ANXA13: variants seen among roughly 807,000 people sequenced by gnomAD.
ANXA13 encodes annexin A13, also known as annexin XIII.
In ANXA13, 36 loss-of-function variants were observed where a neutral mutation model predicts 46.6. The observed-to-expected ratio is 0.77, with a 90% CI of 0.59 to 1.02. The LOEUF (loss-of-function observed/expected upper bound fraction) is 1.02, where lower values mean the gene tolerates loss of function less well. ANXA13 is among the 50% of genes least tolerant of loss of function. The pLI is 0.00. For synonymous variants in ANXA13, 163 were observed against 152.9 expected (o/e 1.07, Z -0.49); for missense variants, 417 against 396.5 (o/e 1.05, Z -0.44).
At chr8:123,716,568 A>C (rs1813762714) in intron 1 of ANXA13, among the ~76,000 whole-genome samples, 1 of 152,106 alleles carries the variant, frequency 6.6e-6, no homozygotes, top group Non-Finnish European at 1.5e-5. Flanking sequence ...TGAAAGAATC[A>C]TGTGATGTGA....
chr8:123,724,228 A>G (rs1459429303), intron 1 of ANXA13, among the ~76,000 whole-genome samples: 5 of 152,234 alleles, frequency 3.3e-5, no homozygotes, highest in African/African-American at 1.2e-4. Flanking sequence ...TTCGGGTGTG[A>G]AACAGTTTGA....
rs914060889 is a variant in ANXA13 at position 123,690,755 on chromosome 8, G to C, written c.643-1809C>G. On this transcript the variant is annotated intron_variant, in intron 8 of 10. Transcript: ENST00000419625. The surrounding 1 kb of genome is among the most constrained non-coding windows in gnomAD (Gnocchi z 4.6). ...CTGCAGGGAGGTTATTAGAGGAGCA[G>C]GGGAGACATTTCTTTCTTTGAAAAT... 6.6e-6 allele frequency among the ~76,000 whole-genome samples: 1 copy of C among 152,230 alleles called. No individual in the cohort carries two copies. The highest frequency in any genetic ancestry group is 1.5e-5 in the Non-Finnish European group (1 of 68,038).
At chr8:123,684,398 A>C (rs1813098266) in intron 10 of ANXA13, among the ~76,000 whole-genome samples, 1 of 152,228 alleles carries the variant, frequency 6.6e-6, no homozygotes. Flanking sequence ...ACAGAGGACA[A>C]AAAAAGAAGC....
intron 2 of ANXA13, among the ~76,000 whole-genome samples, chr8:123,705,846 C>A (rs1268401939): frequency 2.0e-5 from 3 of 152,094 alleles, no homozygotes; most frequent in Admixed American, 1.3e-4. Context: ...AAAAAGGGAG[C>A]CCTGGCAAAA....
At chr8:123,735,213 C>A (rs965223363) in intron 1 of ANXA13, among the ~76,000 whole-genome samples, 6 of 151,516 alleles carry the variant, frequency 4.0e-5, no homozygotes, top group Non-Finnish European at 7.4e-5. Flanking sequence ...GTCTATTACA[C>A]TATGTTGATG....
intron 3 of ANXA13, among the ~76,000 whole-genome samples, chr8:123,702,255 A>G (rs12676942): frequency 0.89 from 134,923 of 152,074 alleles, 60,369 homozygotes; most frequent in African/African-American, 0.96. Context: ...TAAAATGGAG[A>G]GTTTTTTTGG....
chr8:123,725,008 C>T (rs1375266681), intron 1 of ANXA13, among the ~76,000 whole-genome samples: 1 of 152,182 alleles, frequency 6.6e-6, no homozygotes, highest in Non-Finnish European at 1.5e-5. Context: ...CCACTGTATC[C>T]CATGTGGACC....
chr8:123,737,062 T>C (rs575612842), intron 1 of ANXA13, among the ~76,000 whole-genome samples: 20 of 151,700 alleles, frequency 1.3e-4, no homozygotes, highest in Admixed American at 9.9e-4. Flanking sequence ...TGTTTCACCA[T>C]GTTGGCCAGG....
Position 123,695,568 on chromosome 8 carries a change from G to T in ANXA13, c.405C>A (p.Ser135Arg), listed in dbSNP as rs556868657. The change falls in exon 6 of 11, where the codon AGC (serine) becomes AGA (arginine). Residue 135 changes from serine to arginine, a missense_variant. Coordinates refer to ENST00000419625, the MANE Select transcript of ANXA13 (RefSeq NM_004306.4). ...TATCACCTTTGACATCTGATTCGAGGCTCCTATCAAATACTTCGAAGGAAG... is the reference window on the plus strand; with the variant it reads ...TATCACCTTTGACATCTGATTCGAGTCTCCTATCAAATACTTCGAAGGAAG... ...KEAYQRLFDR[S>R]LESDVKGDTS... The T allele has an allele frequency of 6.2e-7, 1 of 1,613,908 alleles. No individual in the cohort carries two copies. Among genetic ancestry groups the T allele is most frequent in the East Asian group, 2.2e-5 (1 of 44,856 alleles).
chr8:123,698,787 C>G (rs989739205), intron 3 of ANXA13, among the ~76,000 whole-genome samples: 11 of 152,194 alleles, frequency 7.2e-5, no homozygotes, highest in African/African-American at 2.7e-4. Context: ...GGCTGGAGAC[C>G]TCACCGATGA....
chr8:123,736,751 G>T (rs913545663), intron 1 of ANXA13, among the ~76,000 whole-genome samples: 1 of 151,138 alleles, frequency 6.6e-6, no homozygotes, highest in Non-Finnish European at 1.5e-5. Flanking sequence ...TTTGCTCTCT[G>T]CAAGGCACTA....
At chr8:123,703,091 C>T (rs551305590) in intron 2 of ANXA13, among the ~76,000 whole-genome samples, 8 of 152,106 alleles carry the variant, frequency 5.3e-5, no homozygotes, top group Non-Finnish European at 7.4e-5. Context: ...ATAGCTCAAA[C>T]GTGGAAGCAG....
chr8:123,700,460 C>G (rs1330025561), intron 3 of ANXA13, among the ~76,000 whole-genome samples: 1 of 152,194 alleles, frequency 6.6e-6, no homozygotes, highest in Admixed American at 6.5e-5. Flanking sequence ...TGGATCATAC[C>G]TAACATCTTC....
At chr8:123,714,150 T>C (rs1813716285) in intron 1 of ANXA13, among the ~76,000 whole-genome samples, 5 of 152,202 alleles carry the variant, frequency 3.3e-5, no homozygotes, top group Admixed American at 3.3e-4. Context: ...TTTCTCTGCA[T>C]GGCATCCTTA....
intron 8 of ANXA13, among the ~76,000 whole-genome samples, chr8:123,691,869 G>C (rs1586314814): frequency 2.0e-5 from 3 of 152,108 alleles, no homozygotes; most frequent in African/African-American, 7.2e-5. Context: ...TGTACTTTCA[G>C]GTAGTCAGTT....
At chr8:123,710,655 G>T (rs942702336) in intron 2 of ANXA13, among the ~76,000 whole-genome samples, 7 of 151,772 alleles carry the variant, frequency 4.6e-5, no homozygotes, top group Admixed American at 3.9e-4. Flanking sequence ...TAGCTAGGAT[G>T]TCTCTAAATT....
Position 123,698,517 on chromosome 8 carries a change from C to G in ANXA13, c.229G>C (p.Glu77Gln), listed in dbSNP as rs538391440. ...TCCAGAAGGGCCAACGCTGTCTTCT[C>G]GAAGTTTCCACTCAGCTCACTCTTG... ...VLKSELSGNF[E>Q]KTALALLDRP... The change falls in exon 4 of 11, where the codon GAG (glutamate) becomes CAG (glutamine). Residue 77 changes from glutamate (E) to glutamine (Q), a missense_variant. Transcript: ENST00000419625. 1 of 1,614,210 alleles carries G rather than the reference C, an allele frequency of 6.2e-7. No homozygotes were observed. The highest frequency in any genetic ancestry group is 1.7e-5 in the Admixed American group (1 of 60,032).
intron 10 of ANXA13, among the ~76,000 whole-genome samples, chr8:123,684,115 C>A (rs568102367): frequency 1.1e-3 from 164 of 152,250 alleles, no homozygotes; most frequent in African/African-American, 3.9e-3. Flanking sequence ...TGAAGAAACA[C>A]GTGTCTAAAA....
chr8:123,712,847 C>T, intron 1 of ANXA13, 94 bp from the exon 2 acceptor site: 1 of 1,055,934 alleles, frequency 9.5e-7, no homozygotes, highest in Admixed American at 1.9e-5. Flanking sequence ...ACCAAATAGT[C>T]ATCCTAACCA....
Sources: allele counts gnomAD v4.1 joint callset (sites outside exome capture counted in the v4.1 genomes callset), GRCh38; gene constraint gnomAD v4.1.1; non-coding constraint Gnocchi (gnomAD v3.1); transcripts MANE v1.5; gene names NCBI Gene and HGNC (gene_info 2026-07-23, HGNC 2026-07-21).